EMB: variants seen among roughly 807,000 people sequenced by gnomAD.
The protein encoded by EMB is embigin homolog.
Under a neutral mutation model 41.4 loss-of-function variants are expected in EMB, and 31 were observed. That is an observed-to-expected ratio of 0.75 (90% CI 0.56 to 1.01). The LOEUF is 1.01. Ranked by LOEUF, EMB falls within the 50% of genes least tolerant of loss-of-function variation. EMB has a pLI of 0.00. For missense variants in EMB, 379 were observed against 388.3 expected (o/e 0.98, Z 0.20); for synonymous variants, 137 against 140.4 (o/e 0.98, Z 0.17).
chr5:50,420,111 A>C (rs1186479646), intron 2 of EMB, among the ~76,000 whole-genome samples: 1 of 152,172 alleles, frequency 6.6e-6, no homozygotes, highest in African/African-American at 2.4e-5. Context: ...TGATAGGTGC[A>C]GCAAACCACC....
intron 4 of EMB, among the ~76,000 whole-genome samples, chr5:50,409,021 G>A (rs1745291110): frequency 6.6e-6 from 1 of 151,954 alleles, no homozygotes; most frequent in African/African-American, 2.4e-5. Context: ...AAACAAATTA[G>A]CTAACCTAAA....
chr5:50,436,490 C>A lies in EMB; in HGVS notation c.112+4550G>T, dbSNP rs570744077. Reference sequence around the variant, plus strand: ...CTGTCCCCACAGAGATGTCTCCTTACCCACTCAGGCTCCAACCTCCATCGC... The same window carrying A: ...CTGTCCCCACAGAGATGTCTCCTTAACCACTCAGGCTCCAACCTCCATCGC... On this transcript the variant is annotated intron_variant, in intron 1 of 8. Transcript: ENST00000303221. Among the ~76,000 whole-genome samples, 11 of 152,324 alleles carry A rather than the reference C, an allele frequency of 7.2e-5. No homozygotes were observed. In the East Asian group the frequency reaches 9.6e-4, roughly 13 times the overall value.
At chr5:50,420,768 C>T (rs1745507413) in intron 2 of EMB, among the ~76,000 whole-genome samples, 1 of 152,176 alleles carries the variant, frequency 6.6e-6, no homozygotes, top group African/African-American at 2.4e-5. Flanking sequence ...GAATACAGTA[C>T]TTAAAACATG....
chr5:50,428,313 T>C (rs933219470), intron 1 of EMB, 86 bp from the exon 2 acceptor site: 5 of 1,280,690 alleles, frequency 3.9e-6, no homozygotes, highest in East Asian at 2.4e-5. Context: ...TAAAACACTG[T>C]TGTGAACTAT....
In EMB at chr5:50,397,061, TATG is replaced by T; in HGVS notation, c.*2209_*2211del. The T allele has an allele frequency of 6.6e-6, 1 of 152,248 alleles. No individual in the cohort carries two copies. Among genetic ancestry groups the T allele is most frequent in the South Asian group, 2.1e-4 (1 of 4,830 alleles). 9.4% of individuals were successfully genotyped at this position (152,248 alleles called of 1,614,324 possible). On this transcript the variant is annotated 3_prime_UTR_variant, in exon 9 of 9. Coordinates refer to ENST00000303221, the MANE Select transcript of EMB (RefSeq NM_198449.3). Reference sequence around the variant, plus strand: ...TTATGCCATCATTAAATCTACTTATTATGCTGAAAATCCTTGTTAGCTGGAAAG... The same window carrying T: ...TTATGCCATCATTAAATCTACTTATTCTGAAAATCCTTGTTAGCTGGAAAG...
At chr5:50,419,889 C>T (rs1350547928) in intron 2 of EMB, among the ~76,000 whole-genome samples, 5 of 152,090 alleles carry the variant, frequency 3.3e-5, no homozygotes, top group Non-Finnish European at 4.4e-5. Flanking sequence ...GGGACATGGA[C>T]GAAGCTGGAA....
Position 50,440,410 on chromosome 5 carries a change from G to T in EMB, c.112+630C>A, listed in dbSNP as rs549124706. 2.0e-5 allele frequency among the ~76,000 whole-genome samples: 3 copies of T among 151,930 alleles called. No individual in the cohort carries two copies. In the East Asian group the frequency reaches 5.8e-4, roughly 30 times the overall value. On this transcript the variant is annotated intron_variant, in intron 1 of 8. Transcript: ENST00000303221. ...TAGCCCGGCGTGGTGGCGCATGCCT[G>T]TAATCCCAGCTACTCTGGAGGCTGA...
intron 2 of EMB, among the ~76,000 whole-genome samples, chr5:50,415,751 C>G: frequency 6.6e-6 from 1 of 152,240 alleles, no homozygotes; most frequent in East Asian, 1.9e-4. Flanking sequence ...AATATACCAA[C>G]TCTCAAACAT....
At chr5:50,402,732 TAATAA>T (rs1471378613) in intron 6 of EMB, among the ~76,000 whole-genome samples, 6 of 151,818 alleles carry the variant, frequency 4.0e-5, no homozygotes, top group South Asian at 2.1e-4. Flanking sequence ...CTGGAATGGT[TAATAA>T]AATATTTTTT....
At chr5:50,424,048 C>T (rs1194097562) in intron 2 of EMB, among the ~76,000 whole-genome samples, 2 of 152,126 alleles carry the variant, frequency 1.3e-5, no homozygotes, top group Admixed American at 6.6e-5. Context: ...CTTGCATGAA[C>T]TCAAGGCCTT....
chr5:50,414,961 C>G (rs1346913096), intron 2 of EMB, among the ~76,000 whole-genome samples: 1 of 152,168 alleles, frequency 6.6e-6, no homozygotes, highest in East Asian at 1.9e-4. Context: ...ACTATTAACT[C>G]TAATGCTCTT....
chr5:50,442,988 T>C (rs1340935665), upstream of EMB: 3 of 152,230 alleles, frequency 2.0e-5, no homozygotes, highest in African/African-American at 7.2e-5. Flanking sequence ...GCTTTTGCTG[T>C]TGGAACAAAA....
intron 1 of EMB, among the ~76,000 whole-genome samples, chr5:50,429,318 A>G (rs1340194139): frequency 6.6e-6 from 1 of 152,244 alleles, no homozygotes; most frequent in East Asian, 1.9e-4. Context: ...ACTTGGCTGC[A>G]TTATTTAAAT....
chr5:50,397,900 T>C lies in EMB; in HGVS notation c.*1373A>G, dbSNP rs372525189. 1.7e-4 allele frequency: 26 copies of C among 152,176 alleles called. No homozygotes were observed. In the East Asian group the frequency reaches 3.7e-3, roughly 21 times the overall value. 9.4% of individuals were successfully genotyped at this position (152,176 alleles called of 1,614,324 possible). ...TTCCAAGTCACTACCTTATGTGTATTATTCATACTAGTAATATTGGTAAAC... is the reference window on the plus strand; with the variant it reads ...TTCCAAGTCACTACCTTATGTGTATCATTCATACTAGTAATATTGGTAAAC... On this transcript the variant is annotated 3_prime_UTR_variant, in exon 9 of 9. Transcript: ENST00000303221.
At chr5:50,438,467 C>A (rs966757918) in intron 1 of EMB, among the ~76,000 whole-genome samples, 4 of 152,152 alleles carry the variant, frequency 2.6e-5, no homozygotes, top group Non-Finnish European at 5.9e-5. Context: ...ATGTTCTAGA[C>A]AATTCTTTTT....
chr5:50,402,415 C>T (rs995566255), intron 6 of EMB, 96 bp from the exon 7 acceptor site: 31 of 1,138,118 alleles, frequency 2.7e-5, no homozygotes, highest in Non-Finnish European at 3.8e-5. Context: ...TAAGTAAGTA[C>T]TATGCTGTTT....
At chr5:50,406,701 T>A (rs1745255030) in intron 4 of EMB, among the ~76,000 whole-genome samples, 2 of 151,884 alleles carry the variant, frequency 1.3e-5, no homozygotes, top group Admixed American at 1.3e-4. Context: ...ATTTTGTTAA[T>A]TTTTTTCTTT....
At chr5:50,420,762 A>C (rs1745507267) in intron 2 of EMB, among the ~76,000 whole-genome samples, 1 of 152,202 alleles carries the variant, frequency 6.6e-6, no homozygotes, top group African/African-American at 2.4e-5. Flanking sequence ...CTCCCGGAAT[A>C]CAGTACTTAA....
intron 1 of EMB, among the ~76,000 whole-genome samples, chr5:50,431,180 G>A (rs945771189): frequency 4.6e-5 from 7 of 152,174 alleles, no homozygotes; most frequent in South Asian, 2.1e-4. Context: ...AAAAGAACAC[G>A]TGTAACTGCT....
Sources: allele counts gnomAD v4.1 joint callset (sites outside exome capture counted in the v4.1 genomes callset), GRCh38; gene constraint gnomAD v4.1.1; transcripts MANE v1.5; gene names NCBI Gene and HGNC (gene_info 2026-07-23, HGNC 2026-07-21).